The following ACER2 variants were observed in gnomAD, a reference collection of about 807,000 sequenced individuals.
ACER2 encodes alkaline ceramidase 2.
A neutral mutation model predicts 34.7 loss-of-function variants in ACER2; 26 were observed. That is an observed-to-expected ratio of 0.75 (90% confidence interval 0.55 to 1.04). The LOEUF (loss-of-function observed/expected upper bound fraction) is 1.04. Ranked by LOEUF, ACER2 falls within the 50% of genes least tolerant of loss-of-function variation. The probability of loss-of-function intolerance (pLI) is 0.00; values close to 1 mark genes in which losing one functional copy is unlikely to be tolerated. For missense variants in ACER2, 352 were observed against 340.8 expected (o/e 1.03, Z -0.26); for synonymous variants, 138 against 132.1 (o/e 1.04, Z -0.31).
chr9:19,445,137 G>A (rs181750769), intron 4 of ACER2, among the ~76,000 whole-genome samples: 74 of 152,316 alleles, frequency 4.9e-4, no homozygotes, highest in African/African-American at 1.6e-3. Context: ...GAAGAAGGAC[G>A]CTCAGCCACC....
At chr9:19,426,292 T>G (rs1384912390) in intron 3 of ACER2, among the ~76,000 whole-genome samples, 1 of 151,108 alleles carries the variant, frequency 6.6e-6, no homozygotes, top group African/African-American at 2.4e-5. Context: ...TTCTTTCTTT[T>G]TCTGTCTTTC....
intron 5 of ACER2, among the ~76,000 whole-genome samples, chr9:19,449,649 C>T (rs1034805086): frequency 3.3e-5 from 5 of 151,882 alleles, no homozygotes; most frequent in African/African-American, 7.3e-5. Context: ...TTTGGGAGGC[C>T]GAGGCAGGTG....
rs1306398454 is a variant in ACER2 at position 19,451,562 on chromosome 9, A to G, written c.*926A>G. ...TAGGCCCTTCTTGAAGATGAGCACA[A>G]TTTTTAAATACTGAGCACAATTTTT... On this transcript the variant is annotated 3_prime_UTR_variant, in exon 6 of 6. Transcript: ENST00000340967. The G allele has an allele frequency of 1.3e-5, 2 of 152,558 alleles. No individual in the cohort carries two copies. Among genetic ancestry groups the G allele is most frequent in the South Asian group, 4.1e-4 (2 of 4,822 alleles). The allele number at this position is 152,558 out of a possible 1,614,324, so 9.5% of individuals were successfully genotyped here.
intron 3 of ACER2, among the ~76,000 whole-genome samples, chr9:19,432,699 G>A (rs1235155280): frequency 1.4e-5 from 2 of 146,898 alleles, no homozygotes; most frequent in Non-Finnish European, 3.0e-5. Context: ...GTATAATATA[G>A]TTATATATAA....
intron 5 of ACER2, among the ~76,000 whole-genome samples, chr9:19,447,882 CAAAG>C (rs1361047133): frequency 6.6e-6 from 1 of 151,524 alleles, no homozygotes; most frequent in African/African-American, 2.4e-5. Context: ...TTCTATCCCC[CAAAG>C]AAACATAATT....
intron 1 of ACER2, among the ~76,000 whole-genome samples, chr9:19,423,573 T>C (rs1375241495): frequency 6.6e-6 from 1 of 151,984 alleles, no homozygotes; most frequent in Non-Finnish European, 1.5e-5. Context: ...TGGTGGTGGG[T>C]GCCTGTAATC....
At position 19,423,932 on chromosome 9, in the gene ACER2, T is replaced by C; in HGVS notation, c.179T>C (p.Phe60Ser). 6.2e-7 allele frequency: 1 copy of C among 1,614,146 alleles called. No homozygotes were observed. Among genetic ancestry groups the C allele is most frequent in the Non-Finnish European group, 8.5e-7 (1 of 1,179,968 alleles). The change falls in exon 2 of 6, where the codon TTC becomes TCC. Residue 60 changes from phenylalanine (F) to serine (S), a missense_variant. Transcript: ENST00000340967. ...MCLFRQYATC[F>S]NSGIYLIWTL... Reference sequence around the variant, plus strand: ...TTGTTTCGTCAGTATGCAACATGCTTCAACAGTGGCATCTACTTAATCTGG... The same window carrying C: ...TTGTTTCGTCAGTATGCAACATGCTCCAACAGTGGCATCTACTTAATCTGG...
At chr9:19,435,495 A>G (rs887357738) in intron 4 of ACER2, among the ~76,000 whole-genome samples, 1 of 152,250 alleles carries the variant, frequency 6.6e-6, no homozygotes, top group African/African-American at 2.4e-5. Flanking sequence ...GCAGTTGACT[A>G]TGATACTTTC....
intron 5 of ACER2, 109 bp downstream of exon 5, chr9:19,446,527 T>G (rs1173672234): frequency 1.9e-6 from 3 of 1,563,604 alleles, no homozygotes; most frequent in East Asian, 4.5e-5. Context: ...GTTGCTGGCT[T>G]GCTTCTCTCC....
chr9:19,440,108 A>AC (rs1191419491), intron 4 of ACER2, among the ~76,000 whole-genome samples: 1 of 150,436 alleles, frequency 6.6e-6, no homozygotes, highest in South Asian at 2.1e-4. Flanking sequence ...CAGTTTTCAG[A>AC]CCCCCCTGTA....
intron 1 of ACER2, chr9:19,409,691 C>T: frequency 2.1e-6 from 2 of 970,268 alleles, no homozygotes; most frequent in Non-Finnish European, 2.5e-6. Flanking sequence ...CTTGCCCCAC[C>T]CCCAAGAACA....
chr9:19,436,369 G>A (rs1405957363), intron 4 of ACER2, among the ~76,000 whole-genome samples: 30 of 151,874 alleles, frequency 2.0e-4, no homozygotes, highest in Admixed American at 2.0e-3. Flanking sequence ...ATATAGACAA[G>A]CAAAAAAGAA....
intron 1 of ACER2, among the ~76,000 whole-genome samples, chr9:19,419,556 A>G (rs1830339532): frequency 6.6e-6 from 1 of 152,174 alleles, no homozygotes; most frequent in South Asian, 2.1e-4. Context: ...ACTTGAGGTC[A>G]GGAGTTGAAG....
chr9:19,439,141 A>T (rs368942800), intron 4 of ACER2, among the ~76,000 whole-genome samples: 29 of 152,200 alleles, frequency 1.9e-4, no homozygotes, highest in African/African-American at 7.0e-4. Context: ...TCATGCTTAA[A>T]ATGTTCTGCC....
At chr9:19,421,259 A>G (rs1189781487) in intron 1 of ACER2, among the ~76,000 whole-genome samples, 1 of 152,236 alleles carries the variant, frequency 6.6e-6, no homozygotes, top group Non-Finnish European at 1.5e-5. Flanking sequence ...GTTGCAAATA[A>G]TGATACTATC....
intron 1 of ACER2, among the ~76,000 whole-genome samples, chr9:19,412,292 CCTT>C (rs1224476742): frequency 6.6e-6 from 1 of 152,044 alleles, no homozygotes; most frequent in South Asian, 2.1e-4. Flanking sequence ...TGAAAAATAA[CCTT>C]CTGTATCTTT....
At chr9:19,419,229 A>C (rs2132467209) in intron 1 of ACER2, among the ~76,000 whole-genome samples, 1 of 152,324 alleles carries the variant, frequency 6.6e-6, no homozygotes, top group African/African-American at 2.4e-5. Flanking sequence ...CATATACAGT[A>C]TAGTACTTAG....
intron 1 of ACER2, among the ~76,000 whole-genome samples, chr9:19,423,625 C>T (rs185944387): frequency 4.6e-5 from 7 of 152,224 alleles, no homozygotes; most frequent in East Asian, 1.9e-4. Flanking sequence ...TGCTTGAACT[C>T]GGGAGGTAGA....
intron 3 of ACER2, among the ~76,000 whole-genome samples, chr9:19,425,971 C>T (rs1287021437): frequency 6.6e-6 from 1 of 152,204 alleles, no homozygotes; most frequent in Non-Finnish European, 1.5e-5. Context: ...AGGACTAAGG[C>T]TGCTGCTATC....
Sources: gnomAD v4.1 joint callset for allele counts (sites outside exome capture counted in the v4.1 genomes callset) on GRCh38, gnomAD v4.1.1 for gene constraint, MANE v1.5 for transcripts, NCBI Gene and HGNC (gene_info 2026-07-23, HGNC 2026-07-21) for gene names.